The following RELN variants were observed in gnomAD, a reference collection of about 807,000 sequenced individuals.
RELN encodes the protein reelin.
Under a neutral mutation model 427.6 loss-of-function variants are expected in RELN, and 108 were observed. That is an observed-to-expected ratio of 0.25 (90% CI 0.22 to 0.30). The LOEUF (loss-of-function observed/expected upper bound fraction) is 0.30, where lower values mean the gene tolerates loss of function less well. Ranked by LOEUF, RELN falls within the 10% of genes least tolerant of loss-of-function variation. The pLI, the probability that RELN is intolerant of heterozygous loss-of-function variation, is 1.00. For synonymous variants in RELN, 1,524 were observed against 1,513.4 expected, an observed-to-expected ratio of 1.01 and a Z score of -0.16; for missense variants, 3,715 against 4,302.8, an observed-to-expected ratio of 0.86 and a Z score of 3.82.
At chr7:103,481,107 A>G (rs1197618626) in intron 63 of RELN, among the ~76,000 whole-genome samples, 2 of 152,194 alleles carry the variant, frequency 1.3e-5, no homozygotes, top group African/African-American at 4.8e-5. Flanking sequence ...TCCTGTTTCC[A>G]ATATGTGAAG....
chr7:103,526,027 C>G (rs1829815576), intron 46 of RELN, among the ~76,000 whole-genome samples: 1 of 152,098 alleles, frequency 6.6e-6, no homozygotes, highest in Non-Finnish European at 1.5e-5. Context: ...CAAGAGATGT[C>G]CTGTAGGGTA....
At chr7:103,773,551 C>T (rs1420591856) in intron 4 of RELN, among the ~76,000 whole-genome samples, 2 of 151,666 alleles carry the variant, frequency 1.3e-5, no homozygotes, top group African/African-American at 4.8e-5. Flanking sequence ...CTCACTGCAA[C>T]CTCCGCCTCC....
intron 11 of RELN, among the ~76,000 whole-genome samples, chr7:103,670,504 T>C (rs571933795): frequency 4.0e-5 from 6 of 150,774 alleles, no homozygotes; most frequent in Non-Finnish European, 8.9e-5. Context: ...CAAGTTGAAG[T>C]ATAATATGCA....
chr7:103,739,272 T>C (rs565525742), intron 6 of RELN, among the ~76,000 whole-genome samples: 1 of 152,370 alleles, frequency 6.6e-6, no homozygotes, highest in African/African-American at 2.4e-5. Flanking sequence ...GGATATGTAG[T>C]TGATGTTCAA....
At chr7:103,811,876 C>CT (rs1792751873) in intron 3 of RELN, among the ~76,000 whole-genome samples, 1 of 152,180 alleles carries the variant, frequency 6.6e-6, no homozygotes, top group Non-Finnish European at 1.5e-5. Flanking sequence ...TCCAATGCAA[C>CT]TTTTTTCAGA....
intron 60 of RELN, among the ~76,000 whole-genome samples, chr7:103,487,411 AAG>A (rs1424129715): frequency 6.6e-6 from 1 of 151,286 alleles, no homozygotes; most frequent in Non-Finnish European, 1.5e-5. Context: ...GAAAAAAAAA[AAG>A]AGAAATATAA....
chr7:103,897,657 C>T (rs1350952919), intron 2 of RELN, among the ~76,000 whole-genome samples: 1 of 151,938 alleles, frequency 6.6e-6, no homozygotes, highest in Non-Finnish European at 1.5e-5. Context: ...GTGGAAAAGG[C>T]ACCTGTTAAA....
At chr7:103,494,053 A>G (rs781159041) in intron 57 of RELN, among the ~76,000 whole-genome samples, 4 of 152,204 alleles carry the variant, frequency 2.6e-5, no homozygotes, top group African/African-American at 4.8e-5. Context: ...CTGGGCCACA[A>G]TGTGAACCTG....
At chr7:103,849,692 T>G (rs908797794) in intron 2 of RELN, among the ~76,000 whole-genome samples, 1 of 152,222 alleles carries the variant, frequency 6.6e-6, no homozygotes, top group African/African-American at 2.4e-5. Flanking sequence ...CAGTGAACTA[T>G]GGACCACATG....
Position 103,831,788 on chromosome 7 carries a change from T to C in RELN, c.473+1749A>G, listed in dbSNP as rs111747623. 4.5e-4 allele frequency among the ~76,000 whole-genome samples: 68 copies of C among 152,196 alleles called. 3 individuals carry two copies. Among genetic ancestry groups the C allele is most frequent in the African/African-American group, 1.6e-3 (65 of 41,534 alleles). On this transcript the variant is annotated intron_variant, in intron 3 of 64. Transcript: ENST00000428762. ...CATTGGAAGAGCCTTCAAACCTATA[T>C]CAAAGGTTTGGTCTTCAGAAAGGAG...
chr7:103,522,308 T>A, intron 47 of RELN, 109 bp from the exon 48 acceptor site: 1 of 1,115,070 alleles, frequency 9.0e-7, no homozygotes, highest in East Asian at 2.5e-5. Context: ...TGATGAAAAG[T>A]TACTGATTTT....
chr7:103,755,071 C>G (rs745639643), intron 4 of RELN, among the ~76,000 whole-genome samples: 1 of 152,110 alleles, frequency 6.6e-6, no homozygotes, highest in Non-Finnish European at 1.5e-5. Flanking sequence ...ACTGCTCTTT[C>G]AAGAAGGTTA....
intron 27 of RELN, among the ~76,000 whole-genome samples, chr7:103,591,858 C>T (rs989465763): frequency 1.3e-5 from 2 of 152,072 alleles, no homozygotes; most frequent in Non-Finnish European, 2.9e-5. Context: ...AGGATTTAGG[C>T]CTACCTTCAA....
intron 28 of RELN, among the ~76,000 whole-genome samples, chr7:103,589,319 C>A (rs1196570974): frequency 6.6e-6 from 1 of 152,174 alleles, no homozygotes; most frequent in Non-Finnish European, 1.5e-5. Context: ...TTTGTCTGCT[C>A]ATAAATGTTA....
chr7:103,950,264 T>C (rs1376839932), intron 1 of RELN, among the ~76,000 whole-genome samples: 1 of 152,214 alleles, frequency 6.6e-6, no homozygotes, highest in Admixed American at 6.5e-5. Context: ...ATCAGGAATT[T>C]AACATATGAA....
intron 63 of RELN, among the ~76,000 whole-genome samples, chr7:103,479,962 A>C (rs1354991066): frequency 2.6e-5 from 4 of 152,314 alleles, no homozygotes; most frequent in African/African-American, 7.2e-5. Context: ...GCCAACCTTC[A>C]CTTAAAAAAA....
chr7:103,909,566 C>A (rs1050638534), intron 2 of RELN, among the ~76,000 whole-genome samples: 24 of 141,316 alleles, frequency 1.7e-4, no homozygotes, highest in Non-Finnish European at 1.7e-4. Flanking sequence ...CAGATTGCGC[C>A]ACTGCACTCC....
chr7:103,819,795 C>G (rs1279019098), intron 3 of RELN, among the ~76,000 whole-genome samples: 1 of 151,938 alleles, frequency 6.6e-6, no homozygotes, highest in Non-Finnish European at 1.5e-5. Context: ...ACTGATCAAT[C>G]AGAATTAAAA....
intron 10 of RELN, among the ~76,000 whole-genome samples, chr7:103,692,010 T>C (rs1005105570): frequency 1.3e-5 from 2 of 152,136 alleles, no homozygotes; most frequent in African/African-American, 4.8e-5. Context: ...GGCTAACAAA[T>C]GGTTAAGCCA....
Sources: allele counts gnomAD v4.1 joint callset (sites outside exome capture counted in the v4.1 genomes callset), GRCh38; gene constraint gnomAD v4.1.1; transcripts MANE v1.5; gene names NCBI Gene and HGNC (gene_info 2026-07-23, HGNC 2026-07-21).